CSNK1G1: variants seen among roughly 807,000 people sequenced by gnomAD.
CSNK1G1 encodes the protein casein kinase I isoform gamma-1.
In CSNK1G1, 22 loss-of-function variants were observed where a neutral mutation model predicts 59.6. The ratio of observed to expected loss-of-function variants is 0.37; its 90% CI spans 0.26 to 0.53. CSNK1G1 has a LOEUF of 0.53. CSNK1G1 is among the 20% of genes least tolerant of loss of function. The pLI is 0.89. For missense variants in CSNK1G1, 384 were observed against 519.5 expected (o/e 0.74, Z 2.54); for synonymous variants, 179 against 177.1 (o/e 1.01, Z -0.08).
chr15:64,320,466 G>A (rs1397280382), intron 1 of CSNK1G1, among the ~76,000 whole-genome samples: 1 of 151,866 alleles, frequency 6.6e-6, no homozygotes. Context: ...ATCACTTGAG[G>A]TCAGGAGTTC....
rs900190033 is a variant in CSNK1G1 at position 64,216,411 on chromosome 15, C to T, written c.444+151G>A. On this transcript the variant is annotated intron_variant, in intron 5 of 11. Transcript: ENST00000303052. The surrounding 1 kb of genome is among the most constrained non-coding windows in gnomAD (Gnocchi z 4.6). ...GTAGTGTGACTTCTCTGAATTTACC[C>T]TTTTTGCCCCAGCCAGCTTCCCAGA... 3 of 723,678 alleles carry T rather than the reference C, an allele frequency of 4.1e-6. No homozygotes were observed. In the African/African-American group the frequency reaches 5.4e-5, roughly 13 times the overall value. The allele number at this position is 723,678 out of a possible 1,614,324, so 44.8% of individuals were successfully genotyped here.
At chr15:64,306,342 G>A (rs1000126446) in intron 1 of CSNK1G1, among the ~76,000 whole-genome samples, 1 of 152,132 alleles carries the variant, frequency 6.6e-6, no homozygotes, top group Non-Finnish European at 1.5e-5. Context: ...TGAATCAGAC[G>A]TCTCTTCAAA....
At chr15:64,267,832 C>G (rs1009199909) in intron 2 of CSNK1G1, among the ~76,000 whole-genome samples, 7 of 152,134 alleles carry the variant, frequency 4.6e-5, no homozygotes, top group African/African-American at 1.7e-4. Context: ...ACCAGTATGT[C>G]AGCCAGACAT....
chr15:64,180,694 A>G (rs562966303), intron 10 of CSNK1G1, among the ~76,000 whole-genome samples: 1 of 152,372 alleles, frequency 6.6e-6, no homozygotes, highest in African/African-American at 2.4e-5. Context: ...ACACTCTGCT[A>G]CATTGTGTGT....
chr15:64,189,420 C>T (rs2081940665), intron 10 of CSNK1G1: 3 of 1,288,800 alleles, frequency 2.3e-6, no homozygotes, highest in Non-Finnish European at 3.0e-6. Flanking sequence ...GTGCCTCTTC[C>T]CCTGTGCCAG....
intron 1 of CSNK1G1, among the ~76,000 whole-genome samples, chr15:64,343,025 C>T (rs78094406): frequency 3.9e-5 from 6 of 152,174 alleles, no homozygotes; most frequent in African/African-American, 1.4e-4. Context: ...CCAGCCTGAC[C>T]AACATGGAGA....
At chr15:64,251,349 A>C (rs755336136) in intron 4 of CSNK1G1, 163 bp downstream of exon 4, 1 of 545,692 alleles carries the variant, frequency 1.8e-6, no homozygotes, top group South Asian at 2.7e-5. Context: ...CAGGAACCAG[A>C]GCGCAAGTAG....
intron 4 of CSNK1G1, among the ~76,000 whole-genome samples, chr15:64,230,484 G>A (rs538322087): frequency 6.6e-6 from 1 of 152,084 alleles, no homozygotes; most frequent in East Asian, 1.9e-4. Context: ...TTTTTGTTGA[G>A]ACAGGGTCCC....
At chr15:64,299,948 C>CT (rs1429043678) in intron 2 of CSNK1G1, among the ~76,000 whole-genome samples, 1 of 152,066 alleles carries the variant, frequency 6.6e-6, no homozygotes, top group African/African-American at 2.4e-5. Context: ...GCCTTATGTC[C>CT]TTCTTAAAAG....
At position 64,214,044 on chromosome 15, in the gene CSNK1G1, T is replaced by A; in HGVS notation, c.525A>T (p.Gln175His). ...GTATAACATGCTCTTTCTTATTGCC[T>A]TGTCGACCAATCAGGAAGTTCTCTG... ...VKPENFLIGR[Q>H]GNKKEHVIHI... The change falls in exon 6 of 12, where the codon CAA becomes CAT. Residue 175 changes from glutamine (Q) to histidine (H), a missense_variant. Gln to His is a conservative substitution (Grantham distance 24, BLOSUM62 0). Coordinates refer to ENST00000303052, the MANE Select transcript of CSNK1G1 (RefSeq NM_022048.5). This position sits in a 1 kb window ranked among gnomAD's most constrained non-coding sequence, Gnocchi z 4.3. 6.2e-7 allele frequency: 1 copy of A among 1,614,188 alleles called. No individual in the cohort carries two copies. Among genetic ancestry groups the A allele is most frequent in the Non-Finnish European group, 8.5e-7 (1 of 1,180,014 alleles).
Position 64,169,691 on chromosome 15 carries a change from A to G in CSNK1G1, c.*2240T>C, listed in dbSNP as rs2081643257. 6.6e-6 allele frequency: 1 copy of G among 152,262 alleles called. No individual in the cohort carries two copies. Among genetic ancestry groups the G allele is most frequent in the Non-Finnish European group, 1.5e-5 (1 of 68,038 alleles). The allele number at this position is 152,262 out of a possible 1,614,324, so 9.4% of individuals were successfully genotyped here. On this transcript the variant is annotated 3_prime_UTR_variant, in exon 12 of 12. Coordinates refer to ENST00000303052, the MANE Select transcript of CSNK1G1 (RefSeq NM_022048.5). ...AACCACTAGGTAATGGCAAGGACAT[A>G]AATCCCAATATTCACAGTCCTTGTG... is the stretch of plus-strand genomic sequence containing the variant.
chr15:64,307,449 C>T (rs34473202), intron 1 of CSNK1G1, among the ~76,000 whole-genome samples: 1,601 of 152,274 alleles, frequency 0.011, 14 homozygotes, highest in Non-Finnish European at 0.015. Flanking sequence ...CATGGTGGCT[C>T]ATGCCTGTAG....
At chr15:64,302,603 T>G (rs927720396) in intron 1 of CSNK1G1, among the ~76,000 whole-genome samples, 1 of 152,176 alleles carries the variant, frequency 6.6e-6, no homozygotes, top group Admixed American at 6.5e-5. Context: ...TTCAAGTATA[T>G]CCACTATCCC....
rs766721650 is a variant in CSNK1G1, at chr15:64,210,031, T to C, written c.680-2437A>G. On this transcript the variant is annotated intron_variant, in intron 6 of 11. Coordinates refer to ENST00000303052, the MANE Select transcript of CSNK1G1 (RefSeq NM_022048.5). The surrounding 1 kb of genome is among the most constrained non-coding windows in gnomAD (Gnocchi z 4.2). The stretch of plus-strand genomic sequence containing the variant: ...AAACTCACTGGAATAAGTAATAAAG[T>C]AACTTTTCAAATCCTGAGAACTATG... Among the ~76,000 whole-genome samples the C allele has an allele frequency of 6.6e-6, 1 of 152,110 alleles. No individual in the cohort carries two copies. The highest frequency in any genetic ancestry group is 6.5e-5 in the Admixed American group (1 of 15,268).
At chr15:64,247,118 G>C (rs1891801371) in intron 4 of CSNK1G1, among the ~76,000 whole-genome samples, 1 of 152,118 alleles carries the variant, frequency 6.6e-6, no homozygotes, top group Non-Finnish European at 1.5e-5. Context: ...CTGTGTGCTA[G>C]AATACAAGCA....
At chr15:64,189,266 G>A (rs2081939158) in intron 10 of CSNK1G1, 1 of 860,112 alleles carries the variant, frequency 1.2e-6, no homozygotes, top group Non-Finnish European at 1.4e-6. Context: ...AAAGCAAAAG[G>A]AGGGTCGACC....
At chr15:64,184,676 CA>C (rs59052389) in intron 10 of CSNK1G1, among the ~76,000 whole-genome samples, 5,983 of 81,414 alleles carry the variant, frequency 0.073, 117 homozygotes, top group South Asian at 0.14. Flanking sequence ...AACTCTGTCT[CA>C]AAAAAAAAAA....
intron 2 of CSNK1G1, among the ~76,000 whole-genome samples, chr15:64,276,946 CAAAA>C (rs1304321213): frequency 3.7e-5 from 2 of 54,490 alleles, no homozygotes. Flanking sequence ...GACTCCATCT[CAAAA>C]AAAAAAAAAA....
Position 64,241,081 on chromosome 15 carries a change from G to A in CSNK1G1, c.292+10431C>T, listed in dbSNP as rs2082687377. Among the ~76,000 whole-genome samples the A allele has an allele frequency of 4.6e-5, 7 of 152,194 alleles. No individual in the cohort carries two copies. In the South Asian group the frequency reaches 1.4e-3, roughly 32 times the overall value. On this transcript the variant is annotated intron_variant, in intron 4 of 11. Transcript: ENST00000303052. Reference sequence around the variant, plus strand: ...CCCACTTACAAGATGCAGACTGGATGAACTGATAAAAAACGATGACCCAAC... The same window carrying A: ...CCCACTTACAAGATGCAGACTGGATAAACTGATAAAAAACGATGACCCAAC...
Sources: allele counts gnomAD v4.1 joint callset (sites outside exome capture counted in the v4.1 genomes callset), GRCh38; gene constraint gnomAD v4.1.1; non-coding constraint Gnocchi (gnomAD v3.1); transcripts MANE v1.5; gene names NCBI Gene and HGNC (gene_info 2026-07-23, HGNC 2026-07-21).